Variants in PAFAH1B1 observed in about 807,000 individuals in gnomAD.
PAFAH1B1 encodes the protein platelet-activating factor acetylhydrolase IB subunit beta.
Under a neutral mutation model 57.5 loss-of-function variants are expected in PAFAH1B1, and 2 were observed. The ratio of observed to expected loss-of-function variants is 0.03; its 90% CI spans 0.01 to 0.11. The LOEUF (loss-of-function observed/expected upper bound fraction) is 0.11, where lower values mean the gene tolerates loss of function less well. Ranked by LOEUF, PAFAH1B1 falls within the 10% of genes least tolerant of loss-of-function variation. The pLI is 1.00. For missense variants in PAFAH1B1, 257 were observed against 512.0 expected, an observed-to-expected ratio of 0.50 and a Z score of 4.81; for synonymous variants, 152 against 169.6, an observed-to-expected ratio of 0.90 and a Z score of 0.81.
At chr17:2,675,583 C>G (rs942382783) in intron 8 of PAFAH1B1, among the ~76,000 whole-genome samples, 3 of 151,352 alleles carry the variant, frequency 2.0e-5, no homozygotes, top group African/African-American at 7.3e-5. Flanking sequence ...AGGAGGATCA[C>G]TTGAGCCCAG....
At chr17:2,613,285 C>A in intron 1 of PAFAH1B1, 1 of 214,532 alleles carries the variant, frequency 4.7e-6, no homozygotes, top group Non-Finnish European at 1.0e-5. Flanking sequence ...CACTTCAGCA[C>A]AGAGGCTGGG....
At chr17:2,625,843 T>C (rs1481887018) in intron 1 of PAFAH1B1, among the ~76,000 whole-genome samples, 1 of 151,618 alleles carries the variant, frequency 6.6e-6, no homozygotes, top group Non-Finnish European at 1.5e-5. Flanking sequence ...GAGGCTAAGG[T>C]AGGAGGATCT....
rs139087696 is a variant in PAFAH1B1 at position 2,637,474 on chromosome 17, C to T, written c.-190-625C>T. ...TGGTGTGTGCCTGTCGTCCCAGCTGCTTGGGAAGCTGAGGTGGGAGGATCG... is the reference window on the plus strand; with the variant it reads ...TGGTGTGTGCCTGTCGTCCCAGCTGTTTGGGAAGCTGAGGTGGGAGGATCG... On this transcript the variant is annotated intron_variant, in intron 1 of 10. Transcript: ENST00000397195. Among the ~76,000 whole-genome samples, 469 of 152,138 alleles carry T rather than the reference C, an allele frequency of 3.1e-3. 2 individuals are homozygous for T. The highest frequency in any genetic ancestry group is 0.011 in the African/African-American group (437 of 41,500).
chr17:2,628,350 A>G (rs2068517558), intron 1 of PAFAH1B1, among the ~76,000 whole-genome samples: 1 of 152,054 alleles, frequency 6.6e-6, no homozygotes, highest in Admixed American at 6.6e-5. Flanking sequence ...TTTGTTTTTA[A>G]TTCTGTATGT....
intron 1 of PAFAH1B1, among the ~76,000 whole-genome samples, chr17:2,626,855 A>G (rs1312533420): frequency 6.6e-6 from 1 of 151,914 alleles, no homozygotes; most frequent in East Asian, 1.9e-4. Context: ...GCCTGGGTGC[A>G]ATTTTTTATA....
chr17:2,681,556 C>G, intron 10 of PAFAH1B1, 173 bp from the exon 11 acceptor site: 2 of 595,638 alleles, frequency 3.4e-6, no homozygotes, highest in Non-Finnish European at 6.0e-6. Context: ...GCCTCGACTT[C>G]CCAGCTCAAA....
At chr17:2,642,129 G>C (rs936673040) in intron 2 of PAFAH1B1, 1 of 152,174 alleles carries the variant, frequency 6.6e-6, no homozygotes, top group Non-Finnish European at 1.5e-5. Flanking sequence ...TGTCCCCACA[G>C]AATTCTTTAT....
chr17:2,676,303 G>C (rs546415053), intron 8 of PAFAH1B1: 3 of 508,384 alleles, frequency 5.9e-6, no homozygotes, highest in African/African-American at 3.9e-5. Context: ...GCTTGAACCC[G>C]GGAGGCGGAG....
In PAFAH1B1 at chr17:2,600,081, A is replaced by G. The variant is rs151057416; in HGVS notation, c.-191+6075A>G. ...TGCAACCTCCACCTCCTGGGTTCAAACGATTCTTCTGCCTCAGTCTCCCGA... is the reference window on the plus strand; with the variant it reads ...TGCAACCTCCACCTCCTGGGTTCAAGCGATTCTTCTGCCTCAGTCTCCCGA... On this transcript the variant is annotated intron_variant, in intron 1 of 10. Transcript: ENST00000397195. Among the ~76,000 whole-genome samples the G allele has an allele frequency of 9.4e-3, 1,397 of 148,752 alleles. 26 individuals are homozygous for G. Among genetic ancestry groups the G allele is most frequent in the African/African-American group, 0.033 (1,324 of 40,184 alleles).
intron 2 of PAFAH1B1, among the ~76,000 whole-genome samples, chr17:2,656,427 G>GT (rs1464639641): frequency 6.6e-6 from 1 of 151,960 alleles, no homozygotes; most frequent in Non-Finnish European, 1.5e-5. Context: ...TCCAGCTTGG[G>GT]TGACAGAGCA....
At chr17:2,636,598 C>T (rs148004502) in intron 1 of PAFAH1B1, among the ~76,000 whole-genome samples, 101 of 152,218 alleles carry the variant, frequency 6.6e-4, no homozygotes, top group African/African-American at 2.3e-3. Flanking sequence ...GAGATTTCAC[C>T]GTGTTGGCCA....
At chr17:2,597,403 C>CTTTTTTTTTTT (rs1187594089) in intron 1 of PAFAH1B1, among the ~76,000 whole-genome samples, 8 of 64,348 alleles carry the variant, frequency 1.2e-4, no homozygotes, top group Non-Finnish European at 2.0e-4. Context: ...ACATCCGTGT[C>CTTTTTTTTTTT]TTTTTTTTTT....
chr17:2,601,904 T>C (rs2068148473), intron 1 of PAFAH1B1, among the ~76,000 whole-genome samples: 1 of 152,206 alleles, frequency 6.6e-6, no homozygotes, highest in African/African-American at 2.4e-5. Flanking sequence ...AGAAAAAATA[T>C]TTTTAAAGTT....
At chr17:2,620,802 CG>C (rs534836674) in intron 1 of PAFAH1B1, among the ~76,000 whole-genome samples, 21 of 151,894 alleles carry the variant, frequency 1.4e-4, no homozygotes, top group Admixed American at 1.4e-3. Context: ...GCAGAGGTTG[CG>C]GTGAGCCGAG....
intron 1 of PAFAH1B1, among the ~76,000 whole-genome samples, chr17:2,600,087 C>T (rs2068124040): frequency 1.4e-5 from 2 of 142,050 alleles, no homozygotes; most frequent in Admixed American, 1.5e-4. Flanking sequence ...TCAAACGATT[C>T]TTCTGCCTCA....
intron 1 of PAFAH1B1, among the ~76,000 whole-genome samples, chr17:2,630,754 G>A (rs1237681300): frequency 6.6e-6 from 1 of 152,058 alleles, no homozygotes. Context: ...TTATTCTTAG[G>A]TTTGGTCGTT....
rs1259396933 is a variant in PAFAH1B1 at position 2,670,164 on chromosome 17, T to C, written c.401T>C (p.Val134Ala). 1 of 1,613,792 alleles carries C rather than the reference T, an allele frequency of 6.2e-7. No homozygotes were observed. The highest frequency in any genetic ancestry group is 1.3e-5 in the African/African-American group (1 of 74,894). ...VSASEDATIK[V>A]WDYETGDFER... is the part of the protein sequence containing the mutation. ...ACCAATTTTCTGTTCACTTGACAGG[T>C]GTGGGATTATGAGACTGGAGATTTT... is the stretch of plus-strand genomic sequence containing the variant. The change falls in exon 6 of 11, where the codon GTG becomes GCG. Residue 134 changes from valine (V) to alanine (A), a missense_variant and splice_region_variant. Val to Ala is a moderately conservative substitution (Grantham distance 64). Coordinates refer to ENST00000397195, the MANE Select transcript of PAFAH1B1 (RefSeq NM_000430.4).
At chr17:2,618,220 G>A (rs1196566532) in intron 1 of PAFAH1B1, among the ~76,000 whole-genome samples, 1 of 152,148 alleles carries the variant, frequency 6.6e-6, no homozygotes, top group Non-Finnish European at 1.5e-5. Context: ...CTACACTCCA[G>A]CCTGAGCGAC....
intron 1 of PAFAH1B1, among the ~76,000 whole-genome samples, chr17:2,595,785 G>C (rs1401085247): frequency 6.6e-6 from 1 of 152,096 alleles, no homozygotes; most frequent in African/African-American, 2.4e-5. Flanking sequence ...AAATCAGAAA[G>C]GAATCCAATT....
Sources: allele counts gnomAD v4.1 joint callset (sites outside exome capture counted in the v4.1 genomes callset), GRCh38; gene constraint gnomAD v4.1.1; transcripts MANE v1.5; gene names NCBI Gene and HGNC (gene_info 2026-07-23, HGNC 2026-07-21).